Variants in NFATC1 observed in about 807,000 individuals in gnomAD.
The protein encoded by NFATC1 is nuclear factor of activated T-cells, cytoplasmic 1.
A neutral mutation model predicts 76.0 loss-of-function variants in NFATC1; 22 were observed. That is an observed-to-expected ratio of 0.29 (90% confidence interval 0.21 to 0.41). NFATC1 has a LOEUF of 0.41. NFATC1 is among the 10% of genes least tolerant of loss of function. The probability of loss-of-function intolerance (pLI) is 1.00; values close to 1 mark genes in which losing one functional copy is unlikely to be tolerated. For missense variants in NFATC1, 1,357 were observed against 1,337.7 expected, an observed-to-expected ratio of 1.01 and a Z score of -0.23; for synonymous variants, 704 against 613.1, an observed-to-expected ratio of 1.15 and a Z score of -2.19.
rs375389433 is a variant in NFATC1 at position 79,448,845 on chromosome 18, C to A, written c.1450C>A (p.Arg484Ser). The change falls in exon 4 of 10, where the codon CGC becomes AGC. Residue 484 changes from arginine to serine, a missense_variant. Coordinates refer to ENST00000427363, the MANE Select transcript of NFATC1 (RefSeq NM_001278669.2). ...LQLFIGTADDRLLRPHAFYQV... is the reference protein window; with the variant it reads ...LQLFIGTADDSLLRPHAFYQV... ...GCTTTTCATTGGGACGGCGGACGAC[C>A]GCCTGCTGCGCCCGCACGCCTTCTA... The A allele has an allele frequency of 6.2e-7, 1 of 1,613,794 alleles. No individual in the cohort carries two copies. The highest frequency in any genetic ancestry group is 1.1e-5 in the South Asian group (1 of 91,088).
chr18:79,488,370 C>T (rs2089581670), intron 9 of NFATC1, among the ~76,000 whole-genome samples: 1 of 151,168 alleles, frequency 6.6e-6, no homozygotes, highest in Admixed American at 6.6e-5. Context: ...AAGCCCGCAG[C>T]CCTCATCGTC....
In NFATC1 at chr18:79,410,455, G is replaced by A. The variant is rs143142544; in HGVS notation, c.180G>A (p.Thr60=). The change falls in exon 2 of 10, where the codon ACG becomes ACA. Residue 60 remains threonine, a synonymous_variant. Transcript: ENST00000427363. The surrounding 1 kb of genome is among the most constrained non-coding windows in gnomAD (Gnocchi z 6.7). ...SNVSPALPLP[T]AHSTLPAPCH... is the part of the protein sequence containing the mutation. Reference sequence around the variant, plus strand: ...TCAGCCCCGCCCTGCCGCTCCCCACGGCGCACTCCACCCTGCCGGCCCCGT... The same window carrying A: ...TCAGCCCCGCCCTGCCGCTCCCCACAGCGCACTCCACCCTGCCGGCCCCGT... 1.8e-5 allele frequency: 29 copies of A among 1,612,010 alleles called. No homozygotes were observed. The highest frequency in any genetic ancestry group is 1.6e-4 in the Middle Eastern group (1 of 6,080).
At chr18:79,444,264 G>A (rs1057215583) in intron 3 of NFATC1, among the ~76,000 whole-genome samples, 15 of 152,172 alleles carry the variant, frequency 9.9e-5, no homozygotes, top group African/African-American at 2.4e-5. Context: ...CTGTGCGTGT[G>A]TGTGTGCCCA....
At chr18:79,492,099 T>A (rs56225057) in intron 9 of NFATC1, among the ~76,000 whole-genome samples, 3,162 of 152,286 alleles carry the variant, frequency 0.021, 56 homozygotes, top group Non-Finnish European at 0.036. Flanking sequence ...TAAAAGGCAA[T>A]AAGAGAATAG....
chr18:79,404,932 A>G (rs2085384094), intron 1 of NFATC1, among the ~76,000 whole-genome samples: 1 of 152,240 alleles, frequency 6.6e-6, no homozygotes, highest in South Asian at 2.1e-4. Flanking sequence ...GCACCGATAC[A>G]GTTTTTTGTG....
At chr18:79,412,042 C>T (rs1434332847) in intron 2 of NFATC1, among the ~76,000 whole-genome samples, 4 of 152,252 alleles carry the variant, frequency 2.6e-5, no homozygotes, top group East Asian at 1.9e-4. Flanking sequence ...GCACCCAGTC[C>T]GCCACGCTTT....
intron 8 of NFATC1, chr18:79,470,927 A>C (rs1226330702): frequency 6.6e-6 from 1 of 152,222 alleles, no homozygotes; most frequent in Non-Finnish European, 1.5e-5. Context: ...GGGGGCAGGC[A>C]TTAAATGGGG....
intron 9 of NFATC1, among the ~76,000 whole-genome samples, chr18:79,490,568 C>T (rs1389856769): frequency 6.6e-6 from 1 of 152,162 alleles, no homozygotes; most frequent in African/African-American, 2.4e-5. Flanking sequence ...GGGGCAGGTC[C>T]ACCCACTCTA....
intron 9 of NFATC1, among the ~76,000 whole-genome samples, chr18:79,509,500 C>T (rs2090194255): frequency 6.6e-6 from 1 of 152,226 alleles, no homozygotes; most frequent in Non-Finnish European, 1.5e-5. Flanking sequence ...GGTGATGTTT[C>T]CTCAGACGCC....
At chr18:79,436,438 C>A (rs1486899331) in intron 3 of NFATC1, among the ~76,000 whole-genome samples, 1 of 152,222 alleles carries the variant, frequency 6.6e-6, no homozygotes, top group Non-Finnish European at 1.5e-5. Flanking sequence ...GCAGCTGAGC[C>A]CTGGAGGGTG....
intron 2 of NFATC1, among the ~76,000 whole-genome samples, chr18:79,424,505 GTC>G (rs2086213071): frequency 1.3e-5 from 2 of 151,512 alleles, no homozygotes; most frequent in Non-Finnish European, 2.9e-5. Context: ...GTCTCTCTCC[GTC>G]TCTGTCTGTC....
chr18:79,419,700 T>G (rs1463677405), intron 2 of NFATC1, among the ~76,000 whole-genome samples: 1 of 152,192 alleles, frequency 6.6e-6, no homozygotes, highest in Non-Finnish European at 1.5e-5. Context: ...AAGTGTCTGG[T>G]CCTGATGTGC....
intron 1 of NFATC1, chr18:79,400,304 A>T (rs2085150790): frequency 1.7e-5 from 22 of 1,274,070 alleles, no homozygotes; most frequent in Non-Finnish European, 2.1e-5. Context: ...GGGTCACGTT[A>T]CGCGGAGGAC....
intron 2 of NFATC1, among the ~76,000 whole-genome samples, chr18:79,416,231 T>C (rs1056748577): frequency 2.6e-5 from 4 of 152,264 alleles, no homozygotes; most frequent in African/African-American, 9.6e-5. Context: ...TTTCACAGTT[T>C]ATCACAATTT....
At chr18:79,407,822 T>C (rs1156921043) in intron 1 of NFATC1, among the ~76,000 whole-genome samples, 1 of 152,170 alleles carries the variant, frequency 6.6e-6, no homozygotes, top group Non-Finnish European at 1.5e-5. Context: ...TGAGGGCATT[T>C]CTTTACGATG....
intron 8 of NFATC1, among the ~76,000 whole-genome samples, chr18:79,473,819 G>C (rs1470922088): frequency 6.9e-6 from 1 of 145,816 alleles, no homozygotes; most frequent in Non-Finnish European, 1.5e-5. Flanking sequence ...CACTGTTGAC[G>C]TAAACCTGAG....
At chr18:79,440,756 G>T (rs1467444435) in intron 3 of NFATC1, among the ~76,000 whole-genome samples, 1 of 152,278 alleles carries the variant, frequency 6.6e-6, no homozygotes, top group African/African-American at 2.4e-5. Flanking sequence ...CAGCTCCGGA[G>T]TGCAGGGTCT....
chr18:79,416,906 G>C (rs933578399), intron 2 of NFATC1, among the ~76,000 whole-genome samples: 1 of 152,228 alleles, frequency 6.6e-6, no homozygotes, highest in Non-Finnish European at 1.5e-5. Context: ...CGGCATGGGT[G>C]TCAGGCCCTG....
chr18:79,443,750 CT>C (rs1356496667), intron 3 of NFATC1, among the ~76,000 whole-genome samples: 2 of 152,364 alleles, frequency 1.3e-5, no homozygotes, highest in Non-Finnish European at 2.9e-5. Flanking sequence ...TCCTGTCCCC[CT>C]AGCCCTGGGC....
Sources: allele counts gnomAD v4.1 joint callset (sites outside exome capture counted in the v4.1 genomes callset), GRCh38; gene constraint gnomAD v4.1.1; non-coding constraint Gnocchi (gnomAD v3.1); transcripts MANE v1.5; gene names NCBI Gene and HGNC (gene_info 2026-07-23, HGNC 2026-07-21).